Variants in SYT1 observed in about 807,000 individuals in gnomAD.
SYT1 encodes the protein synaptotagmin-1.
Under a neutral mutation model 44.8 loss-of-function variants are expected in SYT1, and 8 were observed. That is an observed-to-expected ratio of 0.18 (90% confidence interval 0.10 to 0.32). The LOEUF (loss-of-function observed/expected upper bound fraction) is 0.32, where lower values mean the gene tolerates loss of function less well. Ranked by LOEUF, SYT1 falls within the 10% of genes least tolerant of loss-of-function variation. The pLI is 1.00. For missense variants in SYT1, 286 were observed against 509.3 expected (o/e 0.56, Z 4.22); for synonymous variants, 154 against 188.8 (o/e 0.82, Z 1.51).
intron 3 of SYT1, among the ~76,000 whole-genome samples, chr12:79,091,727 A>G (rs1877788945): frequency 6.6e-6 from 1 of 152,022 alleles, no homozygotes; most frequent in African/African-American, 2.4e-5. Context: ...TTGTAGGTAA[A>G]TAATAAAATC....
chr12:78,933,758 T>C (rs1361993117), intron 1 of SYT1, among the ~76,000 whole-genome samples: 1 of 152,168 alleles, frequency 6.6e-6, no homozygotes, highest in East Asian at 1.9e-4. Flanking sequence ...GCATAAATTC[T>C]ACAGGCCAAT....
chr12:79,283,828 T>C (rs972487379), intron 4 of SYT1, among the ~76,000 whole-genome samples: 4 of 151,804 alleles, frequency 2.6e-5, no homozygotes, highest in Non-Finnish European at 5.9e-5. Context: ...ATTTCTTTGG[T>C]AGAAAACACA....
At chr12:79,113,242 G>C (rs765944045) in intron 3 of SYT1, among the ~76,000 whole-genome samples, 2 of 152,056 alleles carry the variant, frequency 1.3e-5, no homozygotes, top group African/African-American at 2.4e-5. Context: ...ATAACAATTG[G>C]CATCTCTAAA....
At chr12:79,258,892 T>C (rs1035198630) in intron 4 of SYT1, among the ~76,000 whole-genome samples, 1 of 152,138 alleles carries the variant, frequency 6.6e-6, no homozygotes, top group Non-Finnish European at 1.5e-5. Context: ...AAACTTGTAA[T>C]GAAAAAGGCT....
intron 1 of SYT1, among the ~76,000 whole-genome samples, chr12:78,894,739 G>T (rs1379519067): frequency 6.6e-6 from 1 of 151,596 alleles, no homozygotes; most frequent in Non-Finnish European, 1.5e-5. Flanking sequence ...GAAACAGAGA[G>T]TCAAATGCTG....
At chr12:78,955,262 C>T (rs1482845260) in intron 1 of SYT1, among the ~76,000 whole-genome samples, 7 of 151,806 alleles carry the variant, frequency 4.6e-5, no homozygotes, top group Admixed American at 2.6e-4. Flanking sequence ...ACAAGAAAAG[C>T]GTTGCTTGAT....
At chr12:79,308,644 G>GAAAGAAAGAAAGAAAGAAAA (rs1880597524) in intron 8 of SYT1, among the ~76,000 whole-genome samples, 3 of 105,036 alleles carry the variant, frequency 2.9e-5, no homozygotes, top group African/African-American at 1.4e-4. Context: ...AAGAAAGAAA[G>GAAAGAAAGAAAGAAAGAAAA]AAAGAAAGAA....
At chr12:79,159,264 T>C (rs1297174707) in intron 3 of SYT1, among the ~76,000 whole-genome samples, 1 of 152,182 alleles carries the variant, frequency 6.6e-6, no homozygotes, top group Non-Finnish European at 1.5e-5. Context: ...TTAGAGATGA[T>C]GCATACATAT....
chr12:79,436,716 G>A (rs1396805113), intron 9 of SYT1, among the ~76,000 whole-genome samples: 1 of 152,182 alleles, frequency 6.6e-6, no homozygotes, highest in African/African-American at 2.4e-5. Flanking sequence ...TAACATTCTA[G>A]TGTATTGAAG....
chr12:79,156,594 A>C (rs1341123386), intron 3 of SYT1, among the ~76,000 whole-genome samples: 1 of 151,998 alleles, frequency 6.6e-6, no homozygotes, highest in Non-Finnish European at 1.5e-5. Context: ...CAGCTTCCCA[A>C]GTAGCTGGGA....
chr12:79,337,471 C>T (rs1882144581), intron 8 of SYT1, among the ~76,000 whole-genome samples: 1 of 152,178 alleles, frequency 6.6e-6, no homozygotes, highest in Non-Finnish European at 1.5e-5. Context: ...ACCCCATTTT[C>T]CCCATGATGT....
chr12:79,148,567 T>C (rs772823215), intron 3 of SYT1, among the ~76,000 whole-genome samples: 58 of 152,264 alleles, frequency 3.8e-4, no homozygotes, highest in Non-Finnish European at 7.9e-4. Flanking sequence ...AGTATTGTAA[T>C]GCTCTTACTG....
At chr12:78,925,567 TA>T (rs1877257114) in intron 1 of SYT1, among the ~76,000 whole-genome samples, 1 of 151,928 alleles carries the variant, frequency 6.6e-6, no homozygotes, top group Non-Finnish European at 1.5e-5. Flanking sequence ...TGTGAAACAT[TA>T]AAAATTCCCA....
At chr12:79,106,045 G>A (rs985892361) in intron 3 of SYT1, among the ~76,000 whole-genome samples, 12 of 152,236 alleles carry the variant, frequency 7.9e-5, no homozygotes, top group African/African-American at 2.4e-4. Context: ...AAATACAGAC[G>A]GTGGGGAAGG....
intron 2 of SYT1, among the ~76,000 whole-genome samples, chr12:79,044,940 G>A (rs954377342): frequency 2.6e-5 from 4 of 152,096 alleles, no homozygotes; most frequent in South Asian, 2.1e-4. Flanking sequence ...TAGGCCGCTC[G>A]GGGGTCAGGG....
chr12:78,894,330 G>GCT (rs1875226926), intron 1 of SYT1, among the ~76,000 whole-genome samples: 1 of 27,710 alleles, frequency 3.6e-5, no homozygotes, highest in Non-Finnish European at 6.6e-5. Context: ...TTTTTAATCT[G>GCT]TTTTTTTTTT....
At chr12:79,051,566 C>T (rs1874493328) in intron 3 of SYT1, among the ~76,000 whole-genome samples, 2 of 151,440 alleles carry the variant, frequency 1.3e-5, no homozygotes, top group South Asian at 4.2e-4. Flanking sequence ...TTCAAGATTA[C>T]ACAGTGAAAA....
chr12:78,947,437 T>C (rs1264942585), intron 1 of SYT1, among the ~76,000 whole-genome samples: 2 of 151,790 alleles, frequency 1.3e-5, no homozygotes, highest in African/African-American at 2.4e-5. Flanking sequence ...ACCAAACCAT[T>C]TGAGCAAGAA....
intron 4 of SYT1, among the ~76,000 whole-genome samples, chr12:79,284,922 A>G (rs1012486007): frequency 1.3e-5 from 2 of 152,154 alleles, no homozygotes; most frequent in African/African-American, 4.8e-5. Flanking sequence ...TTAACATATT[A>G]ATCCCTTTCA....
Sources: gnomAD v4.1 joint callset for allele counts (sites outside exome capture counted in the v4.1 genomes callset) on GRCh38, gnomAD v4.1.1 for gene constraint, MANE v1.5 for transcripts, NCBI Gene and HGNC (gene_info 2026-07-23, HGNC 2026-07-21) for gene names.